The following FOXP2 variants were observed in gnomAD, a reference collection of about 807,000 sequenced individuals.
FOXP2 encodes the protein forkhead box P2.
Under a neutral mutation model 115.8 loss-of-function variants are expected in FOXP2, and 12 were observed. That is an observed-to-expected ratio of 0.10 (90% CI 0.07 to 0.17). The LOEUF (loss-of-function observed/expected upper bound fraction) is 0.17, where lower values mean the gene tolerates loss of function less well. Ranked by LOEUF, FOXP2 falls within the 10% of genes least tolerant of loss-of-function variation. The pLI, the probability that FOXP2 is intolerant of heterozygous loss-of-function variation, is 1.00. For missense variants in FOXP2, 629 were observed against 843.5 expected (o/e 0.75, Z 3.15); for synonymous variants, 328 against 297.7 (o/e 1.10, Z -1.05).
intron 1 of FOXP2, among the ~76,000 whole-genome samples, chr7:114,123,511 C>A (rs541316543): frequency 1.3e-5 from 2 of 152,014 alleles, no homozygotes; most frequent in Admixed American, 6.6e-5. Context: ...ATGGAAAAGG[C>A]AACTATAATA....
chr7:114,508,390 G>A (rs993256906), intron 2 of FOXP2, among the ~76,000 whole-genome samples: 1 of 152,050 alleles, frequency 6.6e-6, no homozygotes, highest in Non-Finnish European at 1.5e-5. Context: ...GGTAGAGTGA[G>A]CCAATAACTG....
chr7:114,132,018 C>A (rs1791892084), intron 1 of FOXP2, among the ~76,000 whole-genome samples: 1 of 151,968 alleles, frequency 6.6e-6, no homozygotes, highest in Non-Finnish European at 1.5e-5. Flanking sequence ...AGTTGTTAGT[C>A]TTTATTGTTA....
chr7:114,616,113 C>T (rs1803935409), intron 3 of FOXP2, among the ~76,000 whole-genome samples: 1 of 152,070 alleles, frequency 6.6e-6, no homozygotes, highest in Non-Finnish European at 1.5e-5. Flanking sequence ...TTCCTAGCAT[C>T]TCATATGTAT....
intron 2 of FOXP2, among the ~76,000 whole-genome samples, chr7:114,492,338 T>G (rs769014061): frequency 6.6e-6 from 1 of 152,188 alleles, no homozygotes; most frequent in Non-Finnish European, 1.5e-5. Flanking sequence ...GTCTATCAAT[T>G]TTGTTGATCT....
chr7:114,195,216 A>T (rs974019473), intron 1 of FOXP2, among the ~76,000 whole-genome samples: 2 of 152,192 alleles, frequency 1.3e-5, no homozygotes, highest in African/African-American at 4.8e-5. Context: ...TTCTGTTTCA[A>T]GCAAGATAAT....
At chr7:114,313,126 C>T (rs1174175493) in intron 2 of FOXP2, among the ~76,000 whole-genome samples, 3 of 152,174 alleles carry the variant, frequency 2.0e-5, no homozygotes, top group South Asian at 4.1e-4. Flanking sequence ...AGGAAAGTTT[C>T]TAGACTCACT....
At chr7:114,366,166 C>A (rs1562888795) in intron 2 of FOXP2, among the ~76,000 whole-genome samples, 1 of 152,074 alleles carries the variant, frequency 6.6e-6, no homozygotes, top group Non-Finnish European at 1.5e-5. Flanking sequence ...GTGTTTATGT[C>A]CTTTGAGAAG....
At chr7:114,471,321 A>T (rs890668510) in intron 2 of FOXP2, among the ~76,000 whole-genome samples, 1 of 152,106 alleles carries the variant, frequency 6.6e-6, no homozygotes, top group African/African-American at 2.4e-5. Context: ...TTGCATTTCT[A>T]TATTTTTTCT....
chr7:114,302,193 T>A (rs1349837147), intron 2 of FOXP2, among the ~76,000 whole-genome samples: 1 of 152,176 alleles, frequency 6.6e-6, no homozygotes, highest in Non-Finnish European at 1.5e-5. Flanking sequence ...AAATGTTTTT[T>A]AGGAATCTCC....
intron 2 of FOXP2, among the ~76,000 whole-genome samples, chr7:114,474,250 AAAGAGTAT>A (rs1796162643): frequency 6.6e-6 from 1 of 152,206 alleles, no homozygotes; most frequent in South Asian, 2.1e-4. Context: ...AATGAAATCT[AAAGAGTAT>A]AACAGGAGTT....
rs754396448 is a variant in FOXP2 at position 114,225,306 on chromosome 7, TC to T, written c.-102+62225del. Among the ~76,000 whole-genome samples, 15 of 151,962 alleles carry T rather than the reference TC, an allele frequency of 9.9e-5. No homozygotes were observed. The South Asian group carries it at 1.2e-3, about 13-fold the overall frequency. On this transcript the variant is annotated intron_variant, in intron 1 of 17. Transcript: ENST00000634411. ...AATTTATCTGGGTCTTGTATGGCCT[TC>T]CCCCCCTCCCCCTTTCTTTCCTTTT...
At chr7:114,377,517 A>G (rs1479383666) in intron 2 of FOXP2, among the ~76,000 whole-genome samples, 1 of 152,240 alleles carries the variant, frequency 6.6e-6, no homozygotes, top group Non-Finnish European at 1.5e-5. Context: ...ACTATTTAGC[A>G]TTAGTGCTAT....
At chr7:114,199,844 T>C (rs1191365036) in intron 1 of FOXP2, among the ~76,000 whole-genome samples, 1 of 152,144 alleles carries the variant, frequency 6.6e-6, no homozygotes, top group East Asian at 1.9e-4. Context: ...ATTGCAGGAA[T>C]TGGTGAAACA....
At chr7:114,627,484 C>A (rs765194109) in intron 3 of FOXP2, among the ~76,000 whole-genome samples, 19 of 152,042 alleles carry the variant, frequency 1.2e-4, no homozygotes, top group Non-Finnish European at 2.1e-4. Context: ...AACAGTGTTA[C>A]TTGCCTTCTA....
At position 114,629,892 on chromosome 7, in the gene FOXP2, C is replaced by A. The variant is rs1804795442; in HGVS notation, c.484C>A (p.Gln162Lys). 6.2e-7 allele frequency: 1 copy of A among 1,613,120 alleles called. No individual in the cohort carries two copies. Among genetic ancestry groups the A allele is most frequent in the East Asian group, 2.2e-5 (1 of 44,790 alleles). ...QQQQQQQQQQ[Q>K]QQQQQQQQQQ... is the part of the protein sequence containing the mutation. ...GCAGCAGCAACAGCAGCAGCAGCAA[C>A]AACAGCAGCAACAACAGCAGCAGCA... Residue 162 changes from glutamine to lysine, a missense_variant, in exon 5 of 17, where the codon CAA becomes AAA. Gln to Lys is a moderately conservative substitution (Grantham distance 53, BLOSUM62 1). This residue lies in a region of FOXP2 where 138 missense variants were observed against 205.1 expected (regional missense o/e 0.67). Transcript: ENST00000350908.
At chr7:114,186,181 C>T (rs1333896476) in intron 1 of FOXP2, among the ~76,000 whole-genome samples, 1 of 152,100 alleles carries the variant, frequency 6.6e-6, no homozygotes, top group Non-Finnish European at 1.5e-5. Context: ...CCTGAGCCCT[C>T]CAAACTAACG....
intron 10 of FOXP2, among the ~76,000 whole-genome samples, chr7:114,657,638 A>G (rs766140006): frequency 2.6e-5 from 4 of 152,180 alleles, no homozygotes; most frequent in Non-Finnish European, 5.9e-5. Context: ...CTACGAAAAA[A>G]AAAATTCTGG....
At chr7:114,438,815 A>G (rs1439798287) in intron 2 of FOXP2, among the ~76,000 whole-genome samples, 1 of 152,252 alleles carries the variant, frequency 6.6e-6, no homozygotes, top group South Asian at 2.1e-4. Context: ...CAGATGCCCA[A>G]TATAAAATAT....
intron 1 of FOXP2, among the ~76,000 whole-genome samples, chr7:114,163,752 T>C (rs1792899823): frequency 6.6e-6 from 1 of 152,208 alleles, no homozygotes; most frequent in Non-Finnish European, 1.5e-5. Flanking sequence ...CTTAGGACAA[T>C]TACTTAGGAA....
Sources: gnomAD v4.1 joint callset for allele counts (sites outside exome capture counted in the v4.1 genomes callset) on GRCh38, gnomAD v4.1.1 for gene constraint, gnomAD v4.1.1 regional missense constraint, MANE v1.5 for transcripts, NCBI Gene and HGNC (gene_info 2026-07-23, HGNC 2026-07-21) for gene names.